The following WASHC2C variants were observed in gnomAD, a reference collection of about 807,000 sequenced individuals.
The protein encoded by WASHC2C is WASH complex subunit 2C.
Under a neutral mutation model 142.2 loss-of-function variants are expected in WASHC2C, and 73 were observed. That is an observed-to-expected ratio of 0.51 (90% CI 0.43 to 0.62). The LOEUF is 0.62. WASHC2C is among the 20% of genes least tolerant of loss of function. WASHC2C has a pLI of 0.00. For synonymous variants in WASHC2C, 337 were observed against 565.5 expected, an observed-to-expected ratio of 0.60 and a Z score of 5.73; for missense variants, 969 against 1,531.7, an observed-to-expected ratio of 0.63 and a Z score of 6.13.
At chr10:45,788,752 A>G (rs1192587283) in intron 28 of WASHC2C, 119 bp from the exon 29 acceptor site, 5 of 1,510,870 alleles carry the variant, frequency 3.3e-6, no homozygotes, top group East Asian at 4.5e-5. Flanking sequence ...CTTAGATAAT[A>G]TCTTCATTGA....
chr10:45,754,455 A>T (rs782437794), intron 13 of WASHC2C, 31 bp from the exon 14 acceptor site: 42 of 1,594,442 alleles, frequency 2.6e-5, no homozygotes, highest in Non-Finnish European at 3.3e-5. Flanking sequence ...TTTCCCTTGT[A>T]AAATGGTTAC....
intron 21 of WASHC2C, among the ~76,000 whole-genome samples, chr10:45,775,624 T>C (rs2056992788): frequency 6.6e-6 from 1 of 151,690 alleles, no homozygotes; most frequent in Non-Finnish European, 1.5e-5. Context: ...GAAGGAAGAA[T>C]ATGATTTGCC....
chr10:45,790,209 G>A, intron 29 of WASHC2C, 147 bp from the exon 30 acceptor site: 1 of 1,332,554 alleles, frequency 7.5e-7, no homozygotes, highest in South Asian at 1.4e-5. Flanking sequence ...GCAGAGATCT[G>A]GGGTAGTGCA....
chr10:45,754,631 G>T (rs2054016009), intron 14 of WASHC2C, 86 bp downstream of exon 14: 1 of 1,297,232 alleles, frequency 7.7e-7, no homozygotes, highest in African/African-American at 1.5e-5. Flanking sequence ...AGTCTGGCTG[G>T]AGATGAGGAA....
At chr10:45,749,987 T>G (rs2053398740) in intron 8 of WASHC2C, 109 bp from the exon 9 acceptor site, 5 of 941,018 alleles carry the variant, frequency 5.3e-6, no homozygotes, top group East Asian at 3.3e-5. Context: ...TGTTTATGAT[T>G]ATTATTTTAA....
chr10:45,784,308 A>G (rs184374772), intron 23 of WASHC2C, among the ~76,000 whole-genome samples: 1 of 61,080 alleles, frequency 1.6e-5, no homozygotes, highest in Non-Finnish European at 3.2e-5. Flanking sequence ...ATATATATAT[A>G]TATACACACA....
Position 45,755,013 on chromosome 10 carries a change from A to C in WASHC2C, c.1318A>C (p.Lys440Gln), listed in dbSNP as rs781926832. 3 of 1,611,946 alleles carry C rather than the reference A, an allele frequency of 1.9e-6. No individual in the cohort carries two copies. Among genetic ancestry groups the C allele is most frequent in the Middle Eastern group, 2.3e-4 (1 of 4,430 alleles). ...PQKPEQPTPRKSPYGPPPTGL... is the reference protein window; with the variant it reads ...PQKPEQPTPRQSPYGPPPTGL... ...GAAGCCTGAGCAGCCCACTCCAAGGAAAAGCCCCTATGGTCCCCCTCCCAC... is the reference window on the plus strand; with the variant it reads ...GAAGCCTGAGCAGCCCACTCCAAGGCAAAGCCCCTATGGTCCCCCTCCCAC... The change falls in exon 15 of 31, where the codon AAA becomes CAA. Residue 440 changes from lysine to glutamine, a missense_variant. Transcript: ENST00000623400.
rs1253765603 is a variant in WASHC2C at position 45,785,001 on chromosome 10, G to A, written c.2688+100G>A. ...GATTAAGGAAAATCCTAGGAGAGTCGTGCTGCTTCCTGCTAAATGAATGGC... is the reference window on the plus strand; with the variant it reads ...GATTAAGGAAAATCCTAGGAGAGTCATGCTGCTTCCTGCTAAATGAATGGC... On this transcript the variant is annotated intron_variant, in intron 25 of 30. Transcript: ENST00000623400. The A allele has an allele frequency of 1.1e-5, 18 of 1,608,570 alleles. No individual in the cohort carries two copies. In the East Asian group the frequency reaches 1.6e-4, roughly 14 times the overall value.
At chr10:45,737,009 C>T (rs1181036315) in intron 3 of WASHC2C, among the ~76,000 whole-genome samples, 3 of 152,088 alleles carry the variant, frequency 2.0e-5, no homozygotes, top group African/African-American at 4.8e-5. Context: ...GATAGAGTCT[C>T]ACTTTTTCAC....
At chr10:45,746,371 A>G (rs535298997) in intron 7 of WASHC2C, among the ~76,000 whole-genome samples, 82 of 152,182 alleles carry the variant, frequency 5.4e-4, no homozygotes, top group African/African-American at 1.9e-3. Flanking sequence ...TAAGTGAACC[A>G]CAAAAATTAC....
At chr10:45,729,214 T>C (rs1383406335) in intron 3 of WASHC2C, among the ~76,000 whole-genome samples, 188 bp downstream of exon 3, 8 of 152,338 alleles carry the variant, frequency 5.3e-5, no homozygotes, top group African/African-American at 1.9e-4. Flanking sequence ...TCCAAGCCTC[T>C]AAAAAAGTCT....
At chr10:45,744,907 G>A in intron 7 of WASHC2C, 25 bp downstream of exon 7, 1 of 542,682 alleles carries the variant, frequency 1.8e-6, no homozygotes, top group Non-Finnish European at 3.2e-6. Flanking sequence ...GTATGACCAG[G>A]TCACGGTGGG....
At chr10:45,733,235 A>G (rs2050815615) in intron 3 of WASHC2C, among the ~76,000 whole-genome samples, 1 of 152,254 alleles carries the variant, frequency 6.6e-6, no homozygotes. Context: ...GGATTTGATG[A>G]GTTGGACCCT....
At position 45,742,026 on chromosome 10, in the gene WASHC2C, C is replaced by T. The variant is rs1289684214; in HGVS notation, c.529-1364C>T. On this transcript the variant is annotated intron_variant, in intron 5 of 30. Coordinates refer to ENST00000623400, the MANE Select transcript of WASHC2C (RefSeq NM_001330074.2). ...ACCAGGCTGGTCTTGAACTCCTGAC[C>T]TCAAGTGATCCGCCCGCCTCGGCCT... 2.1e-4 allele frequency among the ~76,000 whole-genome samples: 32 copies of T among 151,316 alleles called. 2 individuals are homozygous for T. Among genetic ancestry groups the T allele is most frequent in the African/African-American group, 7.3e-4 (30 of 40,962 alleles).
chr10:45,731,114 G>C (rs2050520685), intron 3 of WASHC2C, among the ~76,000 whole-genome samples: 1 of 147,006 alleles, frequency 6.8e-6, no homozygotes, highest in South Asian at 2.2e-4. Flanking sequence ...AGTTTTTGTG[G>C]AGTTTTTTTG....
At chr10:45,731,732 C>G (rs2050606881) in intron 3 of WASHC2C, among the ~76,000 whole-genome samples, 1 of 151,540 alleles carries the variant, frequency 6.6e-6, no homozygotes, top group African/African-American at 2.4e-5. Context: ...GAGAAAACAG[C>G]TAATGCATAA....
intron 23 of WASHC2C, among the ~76,000 whole-genome samples, chr10:45,784,255 T>TACAC: frequency 1.6e-4 from 1 of 6,072 alleles, no homozygotes; most frequent in East Asian, 6.1e-3. Flanking sequence ...TGTGTGTGTA[T>TACAC]ATATATATAT....
chr10:45,752,336 G>T (rs540372516), intron 11 of WASHC2C, among the ~76,000 whole-genome samples: 1 of 152,428 alleles, frequency 6.6e-6, no homozygotes, highest in South Asian at 2.1e-4. Context: ...CCAGGGTGCT[G>T]GCCTAGAGAA....
rs1438419460 is a variant in WASHC2C at position 45,771,559 on chromosome 10, G to T, written c.2040-1697G>T. 428 of 982,000 alleles carry T rather than the reference G, an allele frequency of 4.4e-4. No individual in the cohort carries two copies. In the African/African-American group the frequency reaches 7.2e-3, roughly 16 times the overall value. The allele number at this position is 982,000 out of a possible 1,614,324, so 60.8% of individuals were successfully genotyped here. ...CACCCCACACAAGGTCATAAATCTG[G>T]CAGTCTGAACCCCATCTTGTTTGTG... On this transcript the variant is annotated intron_variant, in intron 20 of 30. Transcript: ENST00000623400.
Sources: allele counts gnomAD v4.1 joint callset (sites outside exome capture counted in the v4.1 genomes callset), GRCh38; gene constraint gnomAD v4.1.1; transcripts MANE v1.5; gene names NCBI Gene and HGNC (gene_info 2026-07-23, HGNC 2026-07-21).